The following PHF21B variants were observed in gnomAD, a reference collection of about 807,000 sequenced individuals.
PHF21B encodes PHD finger protein 4.
A neutral mutation model predicts 62.2 loss-of-function variants in PHF21B; 22 were observed. That is an observed-to-expected ratio of 0.35 (90% CI 0.25 to 0.51). The LOEUF (loss-of-function observed/expected upper bound fraction) is 0.51, where lower values mean the gene tolerates loss of function less well. Ranked by LOEUF, PHF21B falls within the 20% of genes least tolerant of loss-of-function variation. PHF21B has a pLI of 0.97. For missense variants in PHF21B, 701 were observed against 707.9 expected (o/e 0.99, Z 0.11); for synonymous variants, 341 against 314.7 (o/e 1.08, Z -0.88).
rs887201144 is a variant in PHF21B at position 44,997,957 on chromosome 22, C to G, written c.120+10588G>C. 2.6e-5 allele frequency among the ~76,000 whole-genome samples: 4 copies of G among 152,216 alleles called. No individual in the cohort carries two copies. The East Asian group carries it at 7.7e-4, about 29-fold the overall frequency. ...GGGAATGACTCTTCCGTAACAAGCC[C>G]ACAGCTGGCCCCTACCCTCAATTGT... On this transcript the variant is annotated intron_variant, in intron 2 of 12. Coordinates refer to ENST00000313237, the MANE Select transcript of PHF21B (RefSeq NM_138415.5).
In PHF21B at chr22:44,885,949, G is replaced by C; in HGVS notation, c.1198-11C>G. 6.2e-7 allele frequency: 1 copy of C among 1,613,570 alleles called. No homozygotes were observed. Among genetic ancestry groups the C allele is most frequent in the African/African-American group, 1.3e-5 (1 of 75,066 alleles). ...GTCTTTCTTTAAGGCCTGGGGAGCA[G>C]ACGGGGAGATGAAAAAGTGGACAGG... On this transcript the variant is annotated splice_polypyrimidine_tract_variant and intron_variant, in intron 10 of 12. Transcript: ENST00000313237.
intron 7 of PHF21B, among the ~76,000 whole-genome samples, chr22:44,891,818 G>A (rs1216790717): frequency 6.6e-6 from 1 of 152,242 alleles, no homozygotes; most frequent in African/African-American, 2.4e-5. Flanking sequence ...AAGGTTTCTG[G>A]AACATTCCAG....
intron 5 of PHF21B, among the ~76,000 whole-genome samples, chr22:44,906,788 G>A (rs564885733): frequency 3.3e-5 from 5 of 152,332 alleles, no homozygotes; most frequent in South Asian, 2.1e-4. Flanking sequence ...TGCAGCCGCC[G>A]TGACGACAGG....
intron 2 of PHF21B, among the ~76,000 whole-genome samples, chr22:44,936,416 G>C (rs115361991): frequency 6.6e-6 from 1 of 152,114 alleles, no homozygotes; most frequent in Admixed American, 6.6e-5. Flanking sequence ...CCTGTATACC[G>C]GCAGCCCTGT....
rs187485985 is a variant in PHF21B, at chr22:44,921,614, C to G, written c.121-1124G>C. 5.9e-5 allele frequency among the ~76,000 whole-genome samples: 9 copies of G among 151,894 alleles called. No homozygotes were observed. The South Asian group carries it at 1.5e-3, about 25-fold the overall frequency. On this transcript the variant is annotated intron_variant, in intron 2 of 12. Transcript: ENST00000313237. ...TCTCCTGACCTCATGATCCACCCCC[C>G]GCCTCGGCCTCCCAAAGTGCTAGGA...
chr22:44,979,517 A>G (rs1308549283), intron 2 of PHF21B, among the ~76,000 whole-genome samples: 1 of 152,180 alleles, frequency 6.6e-6, no homozygotes, highest in East Asian at 1.9e-4. Context: ...CAGAAAGGAA[A>G]GGTTGTCTCA....
intron 5 of PHF21B, among the ~76,000 whole-genome samples, chr22:44,909,672 C>T (rs1454116273): frequency 1.3e-5 from 2 of 152,248 alleles, no homozygotes; most frequent in African/African-American, 2.4e-5. Context: ...CCCCCTACTG[C>T]AGTCCGAAAG....
chr22:44,901,644 T>C lies in PHF21B; in HGVS notation c.832-5561A>G, dbSNP rs148564648. Reference sequence around the variant, plus strand: ...AGAAACCCGAAGCCAAGAAGGCTGATGCTGGTGGCAAGGTGAAAAGGGGGA... The same window carrying C: ...AGAAACCCGAAGCCAAGAAGGCTGACGCTGGTGGCAAGGTGAAAAGGGGGA... On this transcript the variant is annotated intron_variant, in intron 5 of 12. Coordinates refer to ENST00000313237, the MANE Select transcript of PHF21B (RefSeq NM_138415.5). The C allele has an allele frequency of 1.6e-3, 819 of 499,998 alleles. 3 individuals carry two copies. Among genetic ancestry groups the C allele is most frequent in the Admixed American group, 2.4e-3 (69 of 28,442 alleles). The allele number at this position is 499,998 out of a possible 1,614,324, so 31.0% of individuals were successfully genotyped here.
At chr22:44,915,279 T>C (rs1054405397) in intron 4 of PHF21B, among the ~76,000 whole-genome samples, 7 of 152,210 alleles carry the variant, frequency 4.6e-5, no homozygotes, top group African/African-American at 1.7e-4. Flanking sequence ...GATAGAATTC[T>C]TAAGTGTAAG....
At chr22:44,907,027 G>A (rs2071263281) in intron 5 of PHF21B, among the ~76,000 whole-genome samples, 1 of 152,204 alleles carries the variant, frequency 6.6e-6, no homozygotes, top group Admixed American at 6.5e-5. Context: ...CTTGACACCT[G>A]TAGGTACATA....
chr22:44,974,944 A>G (rs185750918), intron 2 of PHF21B, among the ~76,000 whole-genome samples: 2 of 152,228 alleles, frequency 1.3e-5, no homozygotes, highest in Non-Finnish European at 2.9e-5. Context: ...GAATTAACAC[A>G]TGGGTGTTGT....
At chr22:44,889,914 C>A in intron 8 of PHF21B, 132 bp from the exon 9 acceptor site, 1 of 943,606 alleles carries the variant, frequency 1.1e-6, no homozygotes, top group Non-Finnish European at 1.5e-6. Flanking sequence ...ATAAGGCCCC[C>A]ATGATACCTG....
intron 9 of PHF21B, among the ~76,000 whole-genome samples, chr22:44,888,464 G>A (rs533097072): frequency 1.1e-4 from 17 of 151,534 alleles, no homozygotes; most frequent in South Asian, 6.3e-4. Context: ...GTCCTGCTGC[G>A]GCCTAGAAAA....
At chr22:44,988,474 G>C (rs1719327236) in intron 2 of PHF21B, among the ~76,000 whole-genome samples, 2 of 151,796 alleles carry the variant, frequency 1.3e-5, no homozygotes, top group South Asian at 2.1e-4. Context: ...GAAAGGAAAG[G>C]GAAAGGAAAA....
At position 44,885,538 on chromosome 22, in the gene PHF21B, G is replaced by A. The variant is rs753262016; in HGVS notation, c.1274-9C>T. ...CTTCTCCTCTTCTTTGACTAGAAAA[G>A]AGAAGGCCAGGTCCCTGGAGAGGGG... On this transcript the variant is annotated splice_polypyrimidine_tract_variant and intron_variant, in intron 11 of 12. Transcript: ENST00000313237. 1 of 1,580,202 alleles carries A rather than the reference G, an allele frequency of 6.3e-7. No homozygotes were observed. The highest frequency in any genetic ancestry group is 8.6e-7 in the Non-Finnish European group (1 of 1,162,824).
chr22:44,895,976 C>A, intron 6 of PHF21B, 56 bp downstream of exon 6: 1 of 1,600,582 alleles, frequency 6.2e-7, no homozygotes, highest in Middle Eastern at 1.7e-4. Context: ...GCCCCCAACA[C>A]CCCGGCTTTC....
At chr22:44,972,327 T>C (rs1436872924) in intron 2 of PHF21B, among the ~76,000 whole-genome samples, 1 of 152,232 alleles carries the variant, frequency 6.6e-6, no homozygotes. Flanking sequence ...AAATGTATCA[T>C]GAGTGACGGA....
intron 2 of PHF21B, among the ~76,000 whole-genome samples, chr22:44,969,659 C>G (rs1188396190): frequency 6.6e-6 from 1 of 151,684 alleles, no homozygotes; most frequent in South Asian, 2.1e-4. Context: ...CAGCGAGACT[C>G]AGTCTCAAAA....
intron 2 of PHF21B, among the ~76,000 whole-genome samples, chr22:44,945,640 A>G (rs983734687): frequency 6.6e-6 from 1 of 151,462 alleles, no homozygotes; most frequent in African/African-American, 2.4e-5. Context: ...TCGTGGGGAC[A>G]GGGAGTGATA....
Sources: allele counts gnomAD v4.1 joint callset (sites outside exome capture counted in the v4.1 genomes callset), GRCh38; gene constraint gnomAD v4.1.1; transcripts MANE v1.5; gene names NCBI Gene and HGNC (gene_info 2026-07-23, HGNC 2026-07-21).